PRELID2: variants seen among roughly 807,000 people sequenced by gnomAD.
PRELID2 encodes PRELI domain containing 2.
A neutral mutation model predicts 28.4 loss-of-function variants in PRELID2; 25 were observed. The observed-to-expected ratio is 0.88, with a 90% confidence interval of 0.64 to 1.23. The LOEUF (loss-of-function observed/expected upper bound fraction) is 1.23. Ranked by LOEUF, PRELID2 falls within the 50% of genes most tolerant of loss-of-function variation. The pLI, the probability that PRELID2 is intolerant of heterozygous loss-of-function variation, is 0.00. For missense variants in PRELID2, 201 were observed against 214.4 expected (o/e 0.94, Z 0.39); for synonymous variants, 76 against 71.6 (o/e 1.06, Z -0.31).
intron 1 of PRELID2, among the ~76,000 whole-genome samples, chr5:145,699,884 G>T (rs554196479): frequency 6.6e-6 from 1 of 152,088 alleles, no homozygotes; most frequent in Non-Finnish European, 1.5e-5. Context: ...GGTGTTTCTC[G>T]CTTCTTTTGG....
At chr5:145,366,024 T>C in the PRELID2 span, among the ~76,000 whole-genome samples, 1 of 151,910 alleles carries the variant, frequency 6.6e-6, no homozygotes, top group African/African-American at 2.4e-5. Flanking sequence ...ATTTCTAAAA[T>C]AGATATCTGT....
At chr5:145,307,125 C>T in the PRELID2 span, among the ~76,000 whole-genome samples, 1 of 152,118 alleles carries the variant, frequency 6.6e-6, no homozygotes, top group Non-Finnish European at 1.5e-5. Context: ...TAAGTCCTTC[C>T]AGGAAGCTGC....
At chr5:145,722,855 G>C (rs1292458071) in intron 1 of PRELID2, among the ~76,000 whole-genome samples, 3 of 152,110 alleles carry the variant, frequency 2.0e-5, no homozygotes, top group Admixed American at 6.6e-5. Context: ...CTAAAGTAGA[G>C]TTTAGAAAAC....
At chr5:145,697,074 T>TACACAC (rs1363342782) in intron 1 of PRELID2, among the ~76,000 whole-genome samples, 1 of 113,902 alleles carries the variant, frequency 8.8e-6, no homozygotes, top group Non-Finnish European at 1.7e-5. Context: ...TATATATATA[T>TACACAC]ATATATACAC....
At chr5:145,729,993 C>T (rs535250595) in intron 1 of PRELID2, among the ~76,000 whole-genome samples, 64 of 152,184 alleles carry the variant, frequency 4.2e-4, no homozygotes, top group African/African-American at 1.5e-3. Flanking sequence ...GATGGTTTAG[C>T]CTTTATATGG....
chr5:145,746,089 A>G (rs6871384), intron 1 of PRELID2, among the ~76,000 whole-genome samples: 126,767 of 151,668 alleles, frequency 0.84, 53,263 homozygotes, highest in East Asian at 0.96. Flanking sequence ...CAATGACACT[A>G]TGAAGAAATT....
chr5:145,729,988 T>C (rs1756291411), intron 1 of PRELID2, among the ~76,000 whole-genome samples: 1 of 152,138 alleles, frequency 6.6e-6, no homozygotes, highest in Non-Finnish European at 1.5e-5. Context: ...GTTGTGATGG[T>C]TTAGCCTTTA....
chr5:145,275,511 G>A, the PRELID2 span, among the ~76,000 whole-genome samples: 11 of 152,064 alleles, frequency 7.2e-5, no homozygotes, highest in African/African-American at 2.7e-4. Flanking sequence ...TTTCCTGGGG[G>A]CAAGCGGGAG....
intron 1 of PRELID2, among the ~76,000 whole-genome samples, chr5:145,572,813 C>T (rs1753025811): frequency 6.6e-6 from 1 of 152,084 alleles, no homozygotes; most frequent in Non-Finnish European, 1.5e-5. Flanking sequence ...TGAGGTATTC[C>T]CATTCGGTCT....
chr5:145,598,234 A>G (rs932764477), intron 1 of PRELID2, among the ~76,000 whole-genome samples: 16 of 152,190 alleles, frequency 1.1e-4, no homozygotes, highest in African/African-American at 3.6e-4. Flanking sequence ...GTACCAGTGA[A>G]GTCGAAGTTT....
intron 5 of PRELID2, chr5:145,795,122 A>G (rs762142851): frequency 1.3e-5 from 2 of 152,198 alleles, no homozygotes; most frequent in Non-Finnish European, 2.9e-5. Flanking sequence ...ACAGAGTTTA[A>G]AGGATGCACA....
intron 1 of PRELID2, chr5:145,826,330 C>G (rs1327323808): frequency 1.1e-5 from 3 of 267,810 alleles, no homozygotes; most frequent in Non-Finnish European, 1.7e-5. Context: ...GCAATGTGAT[C>G]TGAAGACCCA....
At chr5:145,776,508 T>C (rs1277901060) in intron 5 of PRELID2, among the ~76,000 whole-genome samples, 1 of 152,212 alleles carries the variant, frequency 6.6e-6, no homozygotes, top group Admixed American at 6.5e-5. Context: ...CTAAGATCTA[T>C]GGTAAGAACA....
At chr5:145,343,882 C>G in the PRELID2 span, among the ~76,000 whole-genome samples, 3 of 151,692 alleles carry the variant, frequency 2.0e-5, no homozygotes, top group South Asian at 2.1e-4. Context: ...CTATTATAAA[C>G]AGATATATAC....
At chr5:145,264,553 G>T in the PRELID2 span, among the ~76,000 whole-genome samples, 4 of 152,084 alleles carry the variant, frequency 2.6e-5, no homozygotes, top group Non-Finnish European at 4.4e-5. Context: ...ACAGGGAAAA[G>T]TTGAAAGCAA....
chr5:145,298,141 A>G, the PRELID2 span, among the ~76,000 whole-genome samples: 917 of 152,274 alleles, frequency 6.0e-3, 10 homozygotes, highest in African/African-American at 0.021. Flanking sequence ...TATGGAACCA[A>G]AAAAGAGCCC....
chr5:145,307,882 G>C, the PRELID2 span, among the ~76,000 whole-genome samples: 2 of 152,110 alleles, frequency 1.3e-5, no homozygotes, highest in Non-Finnish European at 2.9e-5. Flanking sequence ...ATCTATGTAC[G>C]GTCATTTACC....
the PRELID2 span, among the ~76,000 whole-genome samples, chr5:145,404,252 A>C: frequency 6.6e-6 from 1 of 152,188 alleles, no homozygotes; most frequent in South Asian, 2.1e-4. Flanking sequence ...TTATGCAAGA[A>C]AGATGGCTTA....
intron 1 of PRELID2, among the ~76,000 whole-genome samples, chr5:145,648,396 T>A (rs1561531142): frequency 1.3e-5 from 2 of 150,386 alleles, no homozygotes; most frequent in African/African-American, 4.9e-5. Flanking sequence ...AAGATGTTTT[T>A]AAATAATAAA....
Sources: gnomAD v4.1 joint callset for allele counts (sites outside exome capture counted in the v4.1 genomes callset) on GRCh38, gnomAD v4.1.1 for gene constraint, MANE v1.5 for transcripts, NCBI Gene and HGNC (gene_info 2026-07-23, HGNC 2026-07-21) for gene names.